TTLL11: variants seen among roughly 807,000 people sequenced by gnomAD.
The protein encoded by TTLL11 is tubulin tyrosine ligase like 11, also known as tubulin polyglutamylase TTLL11.
In TTLL11, 42 loss-of-function variants were observed where a neutral mutation model predicts 51.7. That is an observed-to-expected ratio of 0.81 (90% confidence interval 0.64 to 1.05). The LOEUF is 1.05. TTLL11 is among the 50% of genes least tolerant of loss of function. The pLI is 0.00. For synonymous variants in TTLL11, 381 were observed against 383.5 expected, an observed-to-expected ratio of 0.99 and a Z score of 0.08; for missense variants, 799 against 940.4, an observed-to-expected ratio of 0.85 and a Z score of 1.97.
At chr9:121,836,300 T>C (rs1837177409) in intron 8 of TTLL11, among the ~76,000 whole-genome samples, 1 of 152,162 alleles carries the variant, frequency 6.6e-6, no homozygotes, top group African/African-American at 2.4e-5. Context: ...CCAGGGCAGA[T>C]AAAGCATGAT....
At chr9:122,020,481 A>C (rs1844137455) in intron 3 of TTLL11, among the ~76,000 whole-genome samples, 1 of 152,276 alleles carries the variant, frequency 6.6e-6, no homozygotes. Context: ...CCAGTCTTCC[A>C]AACTGTGTTA....
At chr9:121,994,459 C>T (rs755193123) in intron 3 of TTLL11, among the ~76,000 whole-genome samples, 8 of 152,196 alleles carry the variant, frequency 5.3e-5, no homozygotes, top group Non-Finnish European at 8.8e-5. Context: ...GAGGTATTAT[C>T]TCACTTAATC....
At chr9:121,825,976 A>G (rs548475636) in intron 8 of TTLL11, among the ~76,000 whole-genome samples, 1 of 151,338 alleles carries the variant, frequency 6.6e-6, no homozygotes, top group Non-Finnish European at 1.5e-5. Flanking sequence ...ACATGGATGC[A>G]ATTTAAACAT....
chr9:121,959,127 G>A (rs1280432288), intron 6 of TTLL11, among the ~76,000 whole-genome samples: 1 of 152,166 alleles, frequency 6.6e-6, no homozygotes, highest in Admixed American at 6.5e-5. Flanking sequence ...CAGCAGGCAG[G>A]GCCGAGCTCT....
chr9:122,027,620 C>T (rs1484947225), intron 3 of TTLL11, among the ~76,000 whole-genome samples: 1 of 152,128 alleles, frequency 6.6e-6, no homozygotes, highest in Non-Finnish European at 1.5e-5. Flanking sequence ...TCTCTCTGTC[C>T]TATTTTTGCA....
chr9:121,897,985 C>T (rs1839605424), intron 6 of TTLL11, among the ~76,000 whole-genome samples: 1 of 149,786 alleles, frequency 6.7e-6, no homozygotes, highest in African/African-American at 2.5e-5. Context: ...GTGATGCAAT[C>T]TCAGCTCACT....
At chr9:121,941,247 CA>C (rs906965857) in intron 6 of TTLL11, among the ~76,000 whole-genome samples, 7 of 152,332 alleles carry the variant, frequency 4.6e-5, no homozygotes, top group Admixed American at 4.6e-4. Context: ...CTGAGTACTG[CA>C]AAATGCCTTT....
intron 1 of TTLL11, among the ~76,000 whole-genome samples, chr9:122,070,027 A>ACGCGCACACACACACG (rs989270211): frequency 6.6e-6 from 1 of 151,820 alleles, no homozygotes; most frequent in Non-Finnish European, 1.5e-5. Context: ...ACACACACAC[A>ACGCGCACACACACACG]CACACCAGAA....
chr9:122,013,972 T>C (rs560245073), intron 3 of TTLL11, among the ~76,000 whole-genome samples: 1 of 152,136 alleles, frequency 6.6e-6, no homozygotes, highest in African/African-American at 2.4e-5. Flanking sequence ...ATCTACAATC[T>C]CCTCCTTTTG....
At chr9:122,005,490 C>A (rs1183680771) in intron 3 of TTLL11, among the ~76,000 whole-genome samples, 1 of 152,152 alleles carries the variant, frequency 6.6e-6, no homozygotes, top group Non-Finnish European at 1.5e-5. Flanking sequence ...AGGTTGCCTG[C>A]AGGGTGGCAT....
At chr9:121,901,176 G>A (rs1839763303) in intron 6 of TTLL11, among the ~76,000 whole-genome samples, 1 of 152,118 alleles carries the variant, frequency 6.6e-6, no homozygotes, top group African/African-American at 2.4e-5. Context: ...ACTGATTTTT[G>A]TATACTGATT....
chr9:121,851,746 C>G (rs986441854), intron 8 of TTLL11, among the ~76,000 whole-genome samples: 2 of 152,242 alleles, frequency 1.3e-5, no homozygotes, highest in Non-Finnish European at 2.9e-5. Context: ...GTTGGGAGCA[C>G]TGAGTGCTGT....
At chr9:121,970,867 G>A (rs1010465576) in intron 6 of TTLL11, among the ~76,000 whole-genome samples, 2 of 152,250 alleles carry the variant, frequency 1.3e-5, no homozygotes, top group Admixed American at 6.5e-5. Context: ...CCAAAGGATT[G>A]TAAATCTTTC....
At chr9:121,926,204 G>T (rs1215630243) in intron 6 of TTLL11, among the ~76,000 whole-genome samples, 1 of 152,166 alleles carries the variant, frequency 6.6e-6, no homozygotes, top group African/African-American at 2.4e-5. Context: ...GAGGGGCCCG[G>T]GGCTGGGGTG....
chr9:121,952,196 C>T (rs374293541), intron 6 of TTLL11, among the ~76,000 whole-genome samples: 46 of 152,258 alleles, frequency 3.0e-4, no homozygotes, highest in African/African-American at 1.0e-3. Flanking sequence ...CCTGTAATCC[C>T]AGCACTTTGG....
At chr9:121,876,190 TA>T (rs1838557185) in intron 6 of TTLL11, among the ~76,000 whole-genome samples, 1 of 152,242 alleles carries the variant, frequency 6.6e-6, no homozygotes, top group African/African-American at 2.4e-5. Context: ...CTTAGTTCAC[TA>T]TATAGCTTTT....
intron 1 of TTLL11, among the ~76,000 whole-genome samples, chr9:122,071,907 T>C (rs1845738807): frequency 6.6e-6 from 1 of 152,206 alleles, no homozygotes; most frequent in Non-Finnish European, 1.5e-5. Context: ...GCTCGCCAGA[T>C]GTTAGAGACT....
intron 6 of TTLL11, among the ~76,000 whole-genome samples, chr9:121,913,998 C>T (rs1450705350): frequency 6.6e-6 from 1 of 152,168 alleles, no homozygotes; most frequent in African/African-American, 2.4e-5. Context: ...ATTCTGAAGG[C>T]AGCAATTACC....
intron 1 of TTLL11, among the ~76,000 whole-genome samples, chr9:122,041,866 GCA>G (rs1844853016): frequency 6.6e-6 from 1 of 151,440 alleles, no homozygotes; most frequent in Admixed American, 6.6e-5. Flanking sequence ...GTCTACAGAT[GCA>G]ATGCAGTCTC....
Sources: gnomAD v4.1 joint callset for allele counts (sites outside exome capture counted in the v4.1 genomes callset) on GRCh38, gnomAD v4.1.1 for gene constraint, MANE v1.5 for transcripts, NCBI Gene and HGNC (gene_info 2026-07-23, HGNC 2026-07-21) for gene names.